SATB2: variants seen among roughly 807,000 people sequenced by gnomAD.
SATB2 encodes SATB homeobox 2.
SATB2 carries 1 observed loss-of-function variant against 73.4 expected under a neutral mutation model. That is an observed-to-expected ratio of 0.01 (90% CI 0.00 to 0.06). The LOEUF is 0.06. Ranked by LOEUF, SATB2 falls within the 10% of genes least tolerant of loss-of-function variation. SATB2 has a pLI of 1.00. For missense variants in SATB2, 459 were observed against 945.8 expected, an observed-to-expected ratio of 0.49 and a Z score of 6.75; for synonymous variants, 397 against 367.0, an observed-to-expected ratio of 1.08 and a Z score of -0.93.
At chr2:199,321,561 TAC>T (rs1342796479) in intron 9 of SATB2, among the ~76,000 whole-genome samples, 4 of 151,012 alleles carry the variant, frequency 2.6e-5, no homozygotes, top group Non-Finnish European at 4.4e-5. Context: ...TATACACACA[TAC>T]ACACACATGT....
intron 3 of SATB2, among the ~76,000 whole-genome samples, chr2:199,408,035 A>G (rs1490570569): frequency 6.6e-6 from 1 of 152,190 alleles, no homozygotes; most frequent in Non-Finnish European, 1.5e-5. Flanking sequence ...AAAGCCTTTC[A>G]TGATAACCTT....
intron 9 of SATB2, among the ~76,000 whole-genome samples, chr2:199,317,200 G>C (rs1574499299): frequency 6.6e-6 from 1 of 152,032 alleles, no homozygotes; most frequent in Non-Finnish European, 1.5e-5. Context: ...GGCTTGACAA[G>C]TGTGTGCTTT....
At chr2:199,459,372 T>C (rs1176901432), upstream of SATB2, among the ~76,000 whole-genome samples, 5 of 151,966 alleles carry the variant, frequency 3.3e-5, no homozygotes, top group African/African-American at 1.2e-4. This position sits in a 1 kb window ranked among gnomAD's most constrained non-coding sequence, Gnocchi z 4.2. Context: ...TCATTTAAGG[T>C]GGCGCGGGCA....
intron 6 of SATB2, among the ~76,000 whole-genome samples, chr2:199,356,842 C>A (rs1688999594): frequency 6.6e-6 from 1 of 152,076 alleles, no homozygotes. Flanking sequence ...TTTCAGGTAA[C>A]ACCAAGCCCC....
At position 199,287,775 on chromosome 2, in the gene SATB2, GT is replaced by G. The variant is rs1253583107; in HGVS notation, c.1741-15104del. On this transcript the variant is annotated intron_variant, in intron 10 of 10. Transcript: ENST00000417098. ...TTTTCAAAGCTCTTTATCATCTTTT[GT>G]TTTTCTTACTTCTTAAAAAGAATGA... Among the ~76,000 whole-genome samples, 11 of 151,906 alleles carry G rather than the reference GT, an allele frequency of 7.2e-5. No individual in the cohort carries two copies. The South Asian group carries it at 2.3e-3, about 32-fold the overall frequency.
chr2:199,406,702 T>C (rs1261989194), intron 3 of SATB2, among the ~76,000 whole-genome samples: 1 of 152,126 alleles, frequency 6.6e-6, no homozygotes, highest in Admixed American at 6.6e-5. Flanking sequence ...CCACTTCTTC[T>C]GAAAGGTACA....
chr2:199,309,011 G>A (rs1326236897), intron 9 of SATB2, 54 bp from the exon 10 acceptor site: 3 of 1,475,740 alleles, frequency 2.0e-6, no homozygotes, highest in African/African-American at 2.8e-5. Flanking sequence ...AGGAGCTGAG[G>A]GGGCCTTGAC....
intron 3 of SATB2, among the ~76,000 whole-genome samples, chr2:199,399,176 G>T (rs1690393628): frequency 6.6e-6 from 1 of 152,234 alleles, no homozygotes; most frequent in Non-Finnish European, 1.5e-5. Context: ...GGAGGCTGAG[G>T]TGGGAGGGTG....
At chr2:199,345,718 T>G (rs1688631859) in intron 7 of SATB2, among the ~76,000 whole-genome samples, 1 of 152,182 alleles carries the variant, frequency 6.6e-6, no homozygotes, top group Non-Finnish European at 1.5e-5. Context: ...AAAACCTCTG[T>G]ACATTTCACC....
chr2:199,405,964 T>C (rs1574597078), intron 3 of SATB2, among the ~76,000 whole-genome samples: 2 of 152,190 alleles, frequency 1.3e-5, no homozygotes, highest in East Asian at 3.9e-4. Context: ...AACCCTGGAT[T>C]AAAAATTTTA....
rs1574602358 is a variant in SATB2, at chr2:199,410,714, G to C, written c.346+22624C>G. On this transcript the variant is annotated intron_variant, in intron 3 of 10. Transcript: ENST00000417098. ...CCATTATTTTAACAGTCTGCTCAGG[G>C]TGGTCACTCTATTTTTTAATGCAAT... is the stretch of plus-strand genomic sequence containing the variant. Among the ~76,000 whole-genome samples, 4 of 152,266 alleles carry C rather than the reference G, an allele frequency of 2.6e-5. No homozygotes were observed. The South Asian group carries it at 8.3e-4, about 32-fold the overall frequency.
At chr2:199,391,725 T>C (rs2105881943) in intron 3 of SATB2, among the ~76,000 whole-genome samples, 1 of 152,228 alleles carries the variant, frequency 6.6e-6, no homozygotes, top group South Asian at 2.1e-4. Context: ...GGTAAGCAAA[T>C]GTTTCTCTAA....
intron 10 of SATB2, among the ~76,000 whole-genome samples, chr2:199,301,279 A>T (rs1265412281): frequency 2.0e-5 from 3 of 152,130 alleles, no homozygotes; most frequent in Non-Finnish European, 4.4e-5. Context: ...ACATTAAAAA[A>T]GAAGTCATAT....
At chr2:199,446,272 C>A (rs922782142) in intron 2 of SATB2, among the ~76,000 whole-genome samples, 8 of 152,064 alleles carry the variant, frequency 5.3e-5, no homozygotes, top group African/African-American at 9.7e-5. Flanking sequence ...GGGAGAGGGA[C>A]AGAAAAGAAA....
At chr2:199,423,017 T>C (rs920888422) in intron 3 of SATB2, among the ~76,000 whole-genome samples, 1 of 152,144 alleles carries the variant, frequency 6.6e-6, no homozygotes. Context: ...ACCTTTTAAG[T>C]GTCCAATCAT....
At chr2:199,321,312 C>T (rs890650183) in intron 9 of SATB2, among the ~76,000 whole-genome samples, 1 of 150,806 alleles carries the variant, frequency 6.6e-6, no homozygotes, top group African/African-American at 2.4e-5. Context: ...TATATATACA[C>T]GTCTATGTAT....
rs1042392615 is a variant in SATB2 at position 199,270,289 on chromosome 2, C to A, written c.*1922G>T. On this transcript the variant is annotated 3_prime_UTR_variant, in exon 11 of 11. Coordinates refer to ENST00000417098, the MANE Select transcript of SATB2 (RefSeq NM_001172509.2). ...AAAAACTCCAGAGGTTACTGAGCAGCTAGAATTAGCTTGTATTGCAACATG... is the reference window on the plus strand; with the variant it reads ...AAAAACTCCAGAGGTTACTGAGCAGATAGAATTAGCTTGTATTGCAACATG... The A allele has an allele frequency of 6.6e-6, 1 of 152,580 alleles. No individual in the cohort carries two copies. The highest frequency in any genetic ancestry group is 2.4e-5 in the African/African-American group (1 of 41,394). 9.5% of individuals were successfully genotyped at this position (152,580 alleles called of 1,614,324 possible). A position where few individuals can be genotyped will look rare whatever the true frequency, so the allele number is the denominator to read the frequency against.
chr2:199,332,247 C>T (rs1018047244), intron 7 of SATB2, among the ~76,000 whole-genome samples: 1 of 152,028 alleles, frequency 6.6e-6, no homozygotes, highest in Non-Finnish European at 1.5e-5. Context: ...AAAACAATTC[C>T]CTCCACAGTG....
intron 7 of SATB2, among the ~76,000 whole-genome samples, chr2:199,331,371 C>A (rs1197517688): frequency 1.3e-5 from 2 of 151,990 alleles, no homozygotes; most frequent in African/African-American, 4.8e-5. Flanking sequence ...GAAAGAGACA[C>A]AATATTTGTA....
Sources: gnomAD v4.1 joint callset for allele counts (sites outside exome capture counted in the v4.1 genomes callset) on GRCh38, gnomAD v4.1.1 for gene constraint, Gnocchi (gnomAD v3.1) non-coding constraint, MANE v1.5 for transcripts, NCBI Gene and HGNC (gene_info 2026-07-23, HGNC 2026-07-21) for gene names.